CNTNAP2: variants seen among roughly 807,000 people sequenced by gnomAD.
The protein encoded by CNTNAP2 is contactin-associated protein-like 2.
In CNTNAP2, 98 loss-of-function variants were observed where a neutral mutation model predicts 155.2. That is an observed-to-expected ratio of 0.63 (90% confidence interval 0.54 to 0.75). The LOEUF is 0.75. CNTNAP2 is among the 30% of genes least tolerant of loss of function. CNTNAP2 has a pLI of 0.00. For synonymous variants in CNTNAP2, 651 were observed against 631.2 expected (o/e 1.03, Z -0.47); for missense variants, 1,727 against 1,688.1 (o/e 1.02, Z -0.40).
chr7:146,986,393 C>A (rs1798115211), intron 3 of CNTNAP2, among the ~76,000 whole-genome samples: 1 of 152,062 alleles, frequency 6.6e-6, no homozygotes. Flanking sequence ...GTTTCTTTAT[C>A]CACTCATTGA....
At chr7:147,557,255 C>G (rs1018762317) in intron 11 of CNTNAP2, among the ~76,000 whole-genome samples, 2 of 151,740 alleles carry the variant, frequency 1.3e-5, no homozygotes, top group African/African-American at 4.8e-5. Flanking sequence ...CAGAGCCAGA[C>G]TCCATCTCAA....
chr7:146,984,367 C>CAAAAA (rs34062629), intron 3 of CNTNAP2, among the ~76,000 whole-genome samples: 3 of 94,074 alleles, frequency 3.2e-5, no homozygotes, highest in African/African-American at 8.0e-5. Flanking sequence ...AACCCCATCT[C>CAAAAA]AAAAAAAAAA....
At chr7:146,403,837 G>A (rs1022644139) in intron 1 of CNTNAP2, among the ~76,000 whole-genome samples, 1 of 152,152 alleles carries the variant, frequency 6.6e-6, no homozygotes, top group East Asian at 1.9e-4. Context: ...CAGTTTCGGT[G>A]TACTGAGATT....
At chr7:147,319,589 G>T (rs1378491857) in intron 9 of CNTNAP2, among the ~76,000 whole-genome samples, 1 of 152,114 alleles carries the variant, frequency 6.6e-6, no homozygotes, top group Non-Finnish European at 1.5e-5. Flanking sequence ...TGTCGGCCAG[G>T]CTTGTTTAGA....
intron 1 of CNTNAP2, among the ~76,000 whole-genome samples, chr7:146,445,147 C>G (rs1336450237): frequency 2.0e-5 from 3 of 152,142 alleles, no homozygotes; most frequent in African/African-American, 7.2e-5. Flanking sequence ...GAAATAAAAC[C>G]AGGCTATGTT....
intron 12 of CNTNAP2, among the ~76,000 whole-genome samples, chr7:147,605,455 A>T (rs1432994085): frequency 6.6e-6 from 1 of 152,122 alleles, no homozygotes. Context: ...AAATTATGTG[A>T]GGTGAGGAAA....
chr7:148,061,946 TAA>T lies in CNTNAP2; in HGVS notation c.2384-56170_2384-56169del, dbSNP rs1563185379. 2.1e-3 allele frequency among the ~76,000 whole-genome samples: 276 copies of T among 130,022 alleles called. 1 individual carries two copies. The highest frequency in any genetic ancestry group is 6.0e-3 in the South Asian group (24 of 4,006). 85.3% of individuals were successfully genotyped at this position (130,022 alleles called of 152,430 possible). On this transcript the variant is annotated intron_variant, in intron 15 of 23. Transcript: ENST00000361727. ...ATAGATAGATAGATAGATAGATAGA[TAA>T]ACAGATATAGATAGATAGATAGATA...
chr7:146,410,335 A>G (rs996107370), intron 1 of CNTNAP2, among the ~76,000 whole-genome samples: 1 of 152,138 alleles, frequency 6.6e-6, no homozygotes, highest in Non-Finnish European at 1.5e-5. Flanking sequence ...TTATGACAGA[A>G]CCTCTATGGC....
chr7:146,495,914 A>G (rs1797208606), intron 1 of CNTNAP2, among the ~76,000 whole-genome samples: 2 of 152,324 alleles, frequency 1.3e-5, no homozygotes, highest in Middle Eastern at 6.8e-3. Context: ...GGTCAAAAAA[A>G]GAGGAAAATG....
intron 9 of CNTNAP2, among the ~76,000 whole-genome samples, chr7:147,315,728 C>T (rs1795218841): frequency 6.6e-6 from 1 of 152,068 alleles, no homozygotes; most frequent in Non-Finnish European, 1.5e-5. Context: ...ATCCACCCGC[C>T]TCAGCCTCCC....
In CNTNAP2 at chr7:147,520,992, G is replaced by T. The variant is rs112197984; in HGVS notation, c.1777+34951G>T. 4.6e-5 allele frequency among the ~76,000 whole-genome samples: 7 copies of T among 152,332 alleles called. 1 individual carries two copies. The highest frequency in any genetic ancestry group is 1.7e-4 in the African/African-American group (7 of 41,572). ...GCATGAGGGTTGGTAAGTAGTGACA[G>T]TAAAATTAACATTCCTTGACCACAT... On this transcript the variant is annotated intron_variant, in intron 11 of 23. Transcript: ENST00000361727.
At chr7:147,292,191 C>G (rs893650689) in intron 8 of CNTNAP2, among the ~76,000 whole-genome samples, 2 of 152,118 alleles carry the variant, frequency 1.3e-5, no homozygotes, top group Non-Finnish European at 2.9e-5. Context: ...CAAATCCTTT[C>G]AGAACTATTT....
At chr7:146,386,632 C>T (rs1176893623) in intron 1 of CNTNAP2, among the ~76,000 whole-genome samples, 1 of 152,160 alleles carries the variant, frequency 6.6e-6, no homozygotes, top group Non-Finnish European at 1.5e-5. Flanking sequence ...GTTATCCACC[C>T]ACCTTGGCCT....
Position 146,464,187 on chromosome 7 carries a change from G to GTTTTT in CNTNAP2, c.98-310069_98-310065dup, listed in dbSNP as rs369508603. Among the ~76,000 whole-genome samples, 251 of 91,380 alleles carry GTTTTT rather than the reference G, an allele frequency of 2.7e-3. 6 individuals carry two copies. Among genetic ancestry groups the GTTTTT allele is most frequent in the South Asian group, 4.8e-3 (11 of 2,296 alleles). The allele number at this position is 91,380 out of a possible 152,430, so 59.9% of individuals were successfully genotyped here. On this transcript the variant is annotated intron_variant, in intron 1 of 23. Transcript: ENST00000361727. The stretch of plus-strand genomic sequence containing the variant: ...TGCTCAATGTCTTTCCTTTGAAACT[G>GTTTTT]TTTTTTTTTTTTTTTTTTTGGCTCT...
chr7:147,729,413 C>G (rs975531976), intron 13 of CNTNAP2, among the ~76,000 whole-genome samples: 3 of 49,052 alleles, frequency 6.1e-5, no homozygotes, highest in African/African-American at 3.0e-4. Flanking sequence ...CATGCACACA[C>G]ACGCACACAC....
At chr7:146,993,166 G>A (rs530936085) in intron 3 of CNTNAP2, among the ~76,000 whole-genome samples, 5 of 152,284 alleles carry the variant, frequency 3.3e-5, no homozygotes, top group South Asian at 2.1e-4. Context: ...AAGGCCAAGC[G>A]GGTGACTTGA....
At chr7:147,358,028 G>C (rs1474445630) in intron 9 of CNTNAP2, among the ~76,000 whole-genome samples, 1 of 152,102 alleles carries the variant, frequency 6.6e-6, no homozygotes, top group East Asian at 1.9e-4. Context: ...AAAGGCACCA[G>C]TGTGATTTAT....
chr7:146,366,248 T>C, intron 1 of CNTNAP2, among the ~76,000 whole-genome samples: 1 of 120,504 alleles, frequency 8.3e-6, no homozygotes, highest in Admixed American at 8.8e-5. Context: ...GAGAGTTTTT[T>C]CTTAAAATAA....
chr7:146,700,097 TA>T (rs1205189440), intron 1 of CNTNAP2, among the ~76,000 whole-genome samples: 4 of 152,194 alleles, frequency 2.6e-5, no homozygotes, highest in African/African-American at 9.6e-5. Context: ...CTCTTGGATG[TA>T]AAATGAATAA....
Sources: allele counts gnomAD v4.1 joint callset (sites outside exome capture counted in the v4.1 genomes callset), GRCh38; gene constraint gnomAD v4.1.1; transcripts MANE v1.5; gene names NCBI Gene and HGNC (gene_info 2026-07-23, HGNC 2026-07-21).